The following BAHCC1 variants were observed in gnomAD, a reference collection of about 807,000 sequenced individuals.
The protein encoded by BAHCC1 is BAH domain and coiled-coil containing 1.
A neutral mutation model predicts 88.2 loss-of-function variants in BAHCC1; 43 were observed. The ratio of observed to expected loss-of-function variants is 0.49; its 90% CI spans 0.38 to 0.63. The LOEUF (loss-of-function observed/expected upper bound fraction) is 0.63. BAHCC1 is among the 20% of genes least tolerant of loss of function. The probability of loss-of-function intolerance (pLI) is 0.00; values close to 1 mark genes in which losing one functional copy is unlikely to be tolerated. For synonymous variants in BAHCC1, 1,510 were observed against 745.5 expected (o/e 2.03, Z -16.71); for missense variants, 3,023 against 1,654.8 (o/e 1.83, Z -14.34).
In BAHCC1 at chr17:81,411,577, G is replaced by C. The variant is rs548279920; in HGVS notation, c.178+11660G>C. 1.0e-4 allele frequency: 40 copies of C among 394,962 alleles called. No individual in the cohort carries two copies. The highest frequency in any genetic ancestry group is 9.3e-4 in the African/African-American group (37 of 39,708). 24.5% of individuals were successfully genotyped at this position (394,962 alleles called of 1,614,324 possible). A position where few individuals can be genotyped will look rare whatever the true frequency, so the allele number is the denominator to read the frequency against. On this transcript the variant is annotated intron_variant, in intron 2 of 27. Transcript: ENST00000675386. The surrounding 1 kb of genome is among the most constrained non-coding windows in gnomAD (Gnocchi z 6.2). The stretch of plus-strand genomic sequence containing the variant: ...CTTCCTTCCTTCCTTCCTTCCTTGA[G>C]AGGCCTCTCTACCCAGCACCCACGA...
At chr17:81,400,392 T>C (rs1189417739) in intron 2 of BAHCC1, among the ~76,000 whole-genome samples, 1 of 152,084 alleles carries the variant, frequency 6.6e-6, no homozygotes, top group South Asian at 2.1e-4. Context: ...GGGCGAGCGT[T>C]AATAGGGACT....
intron 2 of BAHCC1, among the ~76,000 whole-genome samples, chr17:81,409,110 A>G (rs1258722701): frequency 6.6e-6 from 1 of 152,208 alleles, no homozygotes; most frequent in African/African-American, 2.4e-5. Context: ...TGGTCTCTTT[A>G]TTAAAAATCA....
At chr17:81,457,624 T>A (rs782524662) in intron 17 of BAHCC1, 32 bp downstream of exon 17, 1 of 659,776 alleles carries the variant, frequency 1.5e-6, no homozygotes, top group African/African-American at 1.9e-5. Context: ...GGTTGCTAGG[T>A]AACCAGGAGG....
At position 81,460,904 on chromosome 17, in the gene BAHCC1, A is replaced by G; in HGVS notation, c.6241A>G (p.Thr2081Ala). The change falls in exon 26 of 28, where the codon ACG (threonine) becomes GCG (alanine). Residue 2081 changes from threonine (T) to alanine (A), a missense_variant. Physicochemically the swap from Thr to Ala is moderately conservative, Grantham distance 58. Coordinates refer to ENST00000675386, the MANE Select transcript of BAHCC1 (RefSeq NM_001377448.1). The part of the protein sequence containing the change: ...ELLTSGAKSP[T>A]GASDHFLGRR... The stretch of plus-strand genomic sequence containing the variant: ...CCTAACCTCAGGTGCCAAATCCCCC[A>G]CGGGGGCCTCCGACCACTTCCTGGG... The G allele has an allele frequency of 1.3e-6, 1 of 767,516 alleles. No homozygotes were observed. The highest frequency in any genetic ancestry group is 2.4e-6 in the Non-Finnish European group (1 of 417,860). The allele number at this position is 767,516 out of a possible 1,614,324, so 47.5% of individuals were successfully genotyped here. A position where few individuals can be genotyped will look rare whatever the true frequency, so the allele number is the denominator to read the frequency against.
In BAHCC1 at chr17:81,421,673, G is replaced by A. The variant is rs2064117338; in HGVS notation, c.179-5127G>A. Among the ~76,000 whole-genome samples, 8 of 152,210 alleles carry A rather than the reference G, an allele frequency of 5.3e-5. 1 individual carries two copies. The South Asian group carries it at 1.7e-3, about 32-fold the overall frequency. On this transcript the variant is annotated intron_variant, in intron 2 of 27. Coordinates refer to ENST00000675386, the MANE Select transcript of BAHCC1 (RefSeq NM_001377448.1). The stretch of plus-strand genomic sequence containing the variant: ...GCCCCCAGCCGTGTGCAGGGCCCCT[G>A]CTCACGGGGCAAGGGGGATGCCGGG...
rs1598489878 is a variant in BAHCC1, at chr17:81,444,431, G to A, written c.2375G>A (p.Cys792Tyr). The change falls in exon 7 of 28, where the codon TGC becomes TAC. Residue 792 changes from cysteine to tyrosine, a missense_variant. By Grantham distance (194) the Cys-to-Tyr change is radical (BLOSUM62 -2). Transcript: ENST00000675386. ...EFARIHPPSS[C>Y]PGDLAPHLMM... is the part of the protein sequence containing the mutation. Reference sequence around the variant, plus strand: ...GCCCGGATCCACCCACCGAGCAGCTGCCCTGGGGACCTGGCCCCCCACCTC... The same window carrying A: ...GCCCGGATCCACCCACCGAGCAGCTACCCTGGGGACCTGGCCCCCCACCTC... 2 of 748,006 alleles carry A rather than the reference G, an allele frequency of 2.7e-6. No individual in the cohort carries two copies. Among genetic ancestry groups the A allele is most frequent in the East Asian group, 2.5e-5 (1 of 39,318 alleles). The allele number at this position is 748,006 out of a possible 1,614,324, so 46.3% of individuals were successfully genotyped here.
rs1555652655 is a variant in BAHCC1, at chr17:81,442,107, T to G, written c.758T>G (p.Val253Gly). The G allele has an allele frequency of 1.4e-6, 1 of 694,816 alleles. No homozygotes were observed. The highest frequency in any genetic ancestry group is 2.7e-6 in the Non-Finnish European group (1 of 376,150). The allele number at this position is 694,816 out of a possible 1,614,324, so 43.0% of individuals were successfully genotyped here. A position where few individuals can be genotyped will look rare whatever the true frequency, so the allele number is the denominator to read the frequency against. The change falls in exon 5 of 28, where the codon GTG (valine) becomes GGG (glycine). Residue 253 changes from valine to glycine, a missense_variant. Physicochemically the swap from Val to Gly is moderately radical, Grantham distance 109 (BLOSUM62 -3). Transcript: ENST00000675386. The part of the protein sequence containing the change: ...EDGGKERHKL[V>G]LPVPADGHCR... ...GGTGGCAAGGAGCGGCACAAGCTGG[T>G]GCTGCCCGTGCCAGCCGACGGGCAC...
chr17:81,397,547 C>T (rs782071320), intron 1 of BAHCC1, among the ~76,000 whole-genome samples: 4 of 152,150 alleles, frequency 2.6e-5, no homozygotes, highest in Admixed American at 6.5e-5. Flanking sequence ...ACCTCCCTCC[C>T]TTTCCTTCTT....
At position 81,451,843 on chromosome 17, in the gene BAHCC1, G is replaced by A; in HGVS notation, c.4152G>A (p.Lys1384=). The A allele has an allele frequency of 4.0e-6, 3 of 749,604 alleles. No homozygotes were observed. Among genetic ancestry groups the A allele is most frequent in the Non-Finnish European group, 7.3e-6 (3 of 410,688 alleles). 46.4% of individuals were successfully genotyped at this position (749,604 alleles called of 1,614,324 possible). ...CCCGCATGCAGATCCTGCAGCGCAA[G>A]GACACCTGGACCCCCAAGACCAAGC... ...LTPRMQILQR[K]DTWTPKTKPV... is the part of the protein sequence containing the mutation. The change falls in exon 12 of 28, where the codon AAG becomes AAA. Residue 1384 remains lysine, a synonymous_variant. Coordinates refer to ENST00000675386, the MANE Select transcript of BAHCC1 (RefSeq NM_001377448.1).
chr17:81,461,746 C>T lies in BAHCC1; in HGVS notation c.7083C>T (p.Cys2361=), dbSNP rs1555659526. ...ACCCGGCTCTGCTGCTGCAGACCTG[C>T]CTCACCCACCCCGTGCCCACCCTCC... ...DEDPALLLQT[C]LTHPVPTLLA... is the part of the protein sequence containing the mutation. The change falls in exon 26 of 28, where the codon TGC becomes TGT. Residue 2361 remains cysteine, a synonymous_variant. Transcript: ENST00000675386. 1.4e-6 allele frequency: 1 copy of T among 718,068 alleles called. No individual in the cohort carries two copies. The highest frequency in any genetic ancestry group is 2.7e-5 in the East Asian group (1 of 37,416). 44.5% of individuals were successfully genotyped at this position (718,068 alleles called of 1,614,324 possible).
intron 10 of BAHCC1, among the ~76,000 whole-genome samples, chr17:81,446,202 C>T (rs1488729808): frequency 2.0e-5 from 3 of 152,134 alleles, no homozygotes; most frequent in South Asian, 2.1e-4. Flanking sequence ...AACCGTGTGG[C>T]GAACATAAAA....
chr17:81,409,821 A>C (rs782415559), intron 2 of BAHCC1, among the ~76,000 whole-genome samples: 3 of 152,132 alleles, frequency 2.0e-5, no homozygotes, highest in Non-Finnish European at 4.4e-5. Flanking sequence ...CGAGGGGGAG[A>C]CCATGGCCCT....
Position 81,443,858 on chromosome 17 carries a change from G to A in BAHCC1, c.2265G>A (p.Glu755=). ...STHALDLEAE[E]ERTRLCDDRL... ...ACGCGCTGGACCTGGAGGCTGAGGA[G>A]GAGAGGACGAGGCTATGTGATGACC... Residue 755 remains glutamate (E), a synonymous_variant, in exon 6 of 28, where the codon GAG becomes GAA. Coordinates refer to ENST00000675386, the MANE Select transcript of BAHCC1 (RefSeq NM_001377448.1). 2 of 714,446 alleles carry A rather than the reference G, an allele frequency of 2.8e-6. No homozygotes were observed. The highest frequency in any genetic ancestry group is 5.2e-6 in the Non-Finnish European group (2 of 384,920). 44.3% of individuals were successfully genotyped at this position (714,446 alleles called of 1,614,324 possible).
Position 81,460,670 on chromosome 17 carries a change from A to T in BAHCC1, c.6166A>T (p.Thr2056Ser), listed in dbSNP as rs1555658958. The T allele has an allele frequency of 1.3e-6, 1 of 773,172 alleles. No homozygotes were observed. The highest frequency in any genetic ancestry group is 1.7e-5 in the Admixed American group (1 of 57,882). The allele number at this position is 773,172 out of a possible 1,614,324, so 47.9% of individuals were successfully genotyped here. Residue 2056 changes from threonine to serine, a missense_variant, in exon 25 of 28, where the codon ACA (threonine) becomes TCA (serine). Thr to Ser is a moderately conservative substitution (Grantham distance 58). Coordinates refer to ENST00000675386, the MANE Select transcript of BAHCC1 (RefSeq NM_001377448.1). ...KAQDGPEALK[T>S]PGKKSISKDK... ...ACAGGACGGCCCCGAAGCTTTGAAGACACCTGGGAAAAAATCCATTAGCAA... is the reference window on the plus strand; with the variant it reads ...ACAGGACGGCCCCGAAGCTTTGAAGTCACCTGGGAAAAAATCCATTAGCAA...
chr17:81,407,688 C>G (rs2063898243), intron 2 of BAHCC1, among the ~76,000 whole-genome samples: 1 of 152,236 alleles, frequency 6.6e-6, no homozygotes, highest in Admixed American at 6.5e-5. Flanking sequence ...GCTGTGGCCC[C>G]CTCTTGGGTG....
At chr17:81,397,660 C>T (rs1871234) in intron 1 of BAHCC1, among the ~76,000 whole-genome samples, 3 of 152,148 alleles carry the variant, frequency 2.0e-5, no homozygotes, top group Non-Finnish European at 4.4e-5. Flanking sequence ...CCCCTGACCC[C>T]TGCGCTCGCA....
chr17:81,418,796 C>CGTGTGTGCGCGCAT (rs1555649106), intron 2 of BAHCC1, among the ~76,000 whole-genome samples: 7 of 144,918 alleles, frequency 4.8e-5, no homozygotes, highest in Non-Finnish European at 7.5e-5. Flanking sequence ...TACGTGTGTG[C>CGTGTGTGCGCGCAT]GTGTGTGTGT....
intron 2 of BAHCC1, among the ~76,000 whole-genome samples, chr17:81,415,205 C>T (rs1555648426): frequency 1.3e-5 from 2 of 152,248 alleles, no homozygotes; most frequent in Admixed American, 1.3e-4. Context: ...CTGGTTCCTT[C>T]CTCTCCTCCA....
chr17:81,405,231 A>G (rs1298948778), intron 2 of BAHCC1, among the ~76,000 whole-genome samples: 1 of 151,762 alleles, frequency 6.6e-6, no homozygotes, highest in Non-Finnish European at 1.5e-5. Context: ...CCACGCCCTA[A>G]TTTTTTGTAT....
Sources: allele counts gnomAD v4.1 joint callset (sites outside exome capture counted in the v4.1 genomes callset), GRCh38; gene constraint gnomAD v4.1.1; non-coding constraint Gnocchi (gnomAD v3.1); transcripts MANE v1.5; gene names NCBI Gene and HGNC (gene_info 2026-07-23, HGNC 2026-07-21).